The following DST variants were observed in gnomAD, a reference collection of about 807,000 sequenced individuals.
The protein encoded by DST is dystonin.
In DST, 253 loss-of-function variants were observed where a neutral mutation model predicts 875.2. That is an observed-to-expected ratio of 0.29 (90% confidence interval 0.26 to 0.32). DST has a LOEUF of 0.32. Among genes scored for constraint, DST ranks in the 10% least tolerant of loss-of-function variants. The pLI is 1.00. For synonymous variants in DST, 3,124 were observed against 3,197.1 expected (o/e 0.98, Z 0.77); for missense variants, 8,287 against 9,111.6 (o/e 0.91, Z 3.68).
At chr6:56,590,122 T>C (rs1262670612) in intron 49 of DST, among the ~76,000 whole-genome samples, 1 of 152,238 alleles carries the variant, frequency 6.6e-6, no homozygotes, top group African/African-American at 2.4e-5. Flanking sequence ...CATTTAATTT[T>C]TCAAATTACG....
intron 72 of DST, among the ~76,000 whole-genome samples, chr6:56,514,603 ACACACACACC>A (rs1220023099): frequency 1.5e-5 from 2 of 137,356 alleles, no homozygotes; most frequent in East Asian, 2.5e-4. Context: ...ACACACACAC[ACACACACACC>A]CCCTCATGCG....
At chr6:56,707,056 G>A (rs974126308) in intron 5 of DST, among the ~76,000 whole-genome samples, 28 of 152,088 alleles carry the variant, frequency 1.8e-4, no homozygotes, top group African/African-American at 6.8e-4. Context: ...AGAATCTAAC[G>A]CCATCACTGA....
intron 92 of DST, 73 bp downstream of exon 92, chr6:56,476,075 GA>G (rs2095176195): frequency 7.9e-7 from 1 of 1,258,608 alleles, no homozygotes; most frequent in East Asian, 2.5e-5. Context: ...GCAATGTTTT[GA>G]GAAGTACAGC....
chr6:56,844,221 C>G (rs1393811798), intron 4 of DST, among the ~76,000 whole-genome samples: 3 of 152,172 alleles, frequency 2.0e-5, no homozygotes, highest in Non-Finnish European at 2.9e-5. Flanking sequence ...GAGGCCTCTG[C>G]AGGTGGCCCC....
At chr6:56,864,841 GA>G (rs1773153431) in intron 3 of DST, among the ~76,000 whole-genome samples, 1 of 152,014 alleles carries the variant, frequency 6.6e-6, no homozygotes, top group South Asian at 2.1e-4. Flanking sequence ...TTGAGGACTT[GA>G]AAAAAATATC....
chr6:56,661,825 T>A (rs1315097363), intron 10 of DST, among the ~76,000 whole-genome samples: 1 of 152,174 alleles, frequency 6.6e-6, no homozygotes, highest in Non-Finnish European at 1.5e-5. Flanking sequence ...TGACCTCGGG[T>A]GATCCGCCCG....
At chr6:56,759,953 A>C (rs887325512) in intron 4 of DST, among the ~76,000 whole-genome samples, 20 of 152,240 alleles carry the variant, frequency 1.3e-4, no homozygotes, top group Admixed American at 4.6e-4. Flanking sequence ...TAGAGTATGC[A>C]CTGCATATGT....
intron 36 of DST, chr6:56,615,015 G>T (rs559059673): frequency 7.0e-6 from 7 of 998,634 alleles, no homozygotes; most frequent in South Asian, 4.4e-5. Context: ...TGCAAAGAAG[G>T]TCACTATATA....
At chr6:56,633,062 A>G in intron 27 of DST, 25 bp from the exon 28 acceptor site, 6 of 1,600,750 alleles carry the variant, frequency 3.7e-6, no homozygotes, top group Non-Finnish European at 5.1e-6. Flanking sequence ...AGACCCATGT[A>G]ATTCATTCTA....
intron 3 of DST, among the ~76,000 whole-genome samples, chr6:56,877,313 G>A (rs763656826): frequency 6.6e-6 from 1 of 152,190 alleles, no homozygotes; most frequent in Non-Finnish European, 1.5e-5. Context: ...AGCACTTTGT[G>A]GGGGCCGAGG....
At chr6:56,947,865 C>T (rs1402066721) in intron 2 of DST, among the ~76,000 whole-genome samples, 1 of 151,894 alleles carries the variant, frequency 6.6e-6, no homozygotes, top group Non-Finnish European at 1.5e-5. Context: ...CCCCACTTAT[C>T]CACCACAGAT....
Position 56,631,261 on chromosome 6 carries a change from G to C in DST, c.4092C>G (p.Val1364=). 1.2e-6 allele frequency: 2 copies of C among 1,613,870 alleles called. No homozygotes were observed. The highest frequency in any genetic ancestry group is 1.7e-6 in the Non-Finnish European group (2 of 1,179,844). The change falls in exon 30 of 104, where the codon GTC becomes GTG. Residue 1364 remains valine (V), a synonymous_variant. Coordinates refer to ENST00000680361, the MANE Select transcript of DST (RefSeq NM_001374736.1). The part of the protein sequence containing the change: ...VPTLRSELNV[V]LQNMNQVYSM... ...AATAGACTTGGTTCATGTTCTGAAGGACCACATTAAGCTCTGATCGTAGGG... is the reference window on the plus strand; with the variant it reads ...AATAGACTTGGTTCATGTTCTGAAGCACCACATTAAGCTCTGATCGTAGGG...
In DST at chr6:56,497,970, T is replaced by A. The variant is rs1490688513; in HGVS notation, c.19980A>T (p.Ala6660=). 2 of 1,613,580 alleles carry A rather than the reference T, an allele frequency of 1.2e-6. No individual in the cohort carries two copies. Among genetic ancestry groups the A allele is most frequent in the African/African-American group, 1.3e-5 (1 of 75,036 alleles). Residue 6660 remains alanine (A), a synonymous_variant, in exon 81 of 104, where the codon GCA becomes GCT. Transcript: ENST00000680361. ...KAGNDLIESS[A]GEEASNLQNK... is the part of the protein sequence containing the mutation. Reference sequence around the variant, plus strand: ...TCTGAAGGTTGCTTGCTTCTTCTCCTGCACTTGATTCAATTAGATCATTTC... The same window carrying A: ...TCTGAAGGTTGCTTGCTTCTTCTCCAGCACTTGATTCAATTAGATCATTTC...
intron 74 of DST, among the ~76,000 whole-genome samples, chr6:56,508,980 C>G (rs951188833): frequency 2.6e-5 from 4 of 152,152 alleles, no homozygotes; most frequent in African/African-American, 9.7e-5. Context: ...AAGGTTCTTC[C>G]TGACAAAAGT....
In DST at chr6:56,527,447, C is replaced by T. The variant is rs762882618; in HGVS notation, c.17922+46G>A. ...TTTTATTTTTGTGTGAATAAGACTG[C>T]CTAAAAGATAAAAGACTAATCCAAA... is the stretch of plus-strand genomic sequence containing the variant. On this transcript the variant is annotated intron_variant, in intron 68 of 103. Transcript: ENST00000680361. 5.7e-6 allele frequency: 9 copies of T among 1,590,398 alleles called. No homozygotes were observed. The South Asian group carries it at 1.0e-4, about 18-fold the overall frequency.
chr6:56,524,284 A>G (rs2096757519), intron 69 of DST, among the ~76,000 whole-genome samples: 1 of 152,114 alleles, frequency 6.6e-6, no homozygotes, highest in South Asian at 2.1e-4. Context: ...ACGTTTCCCT[A>G]CACGGTAATG....
chr6:56,473,507 C>A (rs1371804174), intron 93 of DST, among the ~76,000 whole-genome samples: 2 of 152,072 alleles, frequency 1.3e-5, no homozygotes, highest in Non-Finnish European at 2.9e-5. Flanking sequence ...TGAAGATTAT[C>A]CACGTCATGG....
chr6:56,465,184 C>T (rs1204505161), intron 99 of DST, among the ~76,000 whole-genome samples: 1 of 152,136 alleles, frequency 6.6e-6, no homozygotes, highest in Admixed American at 6.5e-5. Flanking sequence ...AGCCTGATGA[C>T]TGATATGTCT....
chr6:56,885,342 G>A (rs991232599), intron 3 of DST, among the ~76,000 whole-genome samples: 3 of 152,144 alleles, frequency 2.0e-5, no homozygotes, highest in Non-Finnish European at 4.4e-5. Flanking sequence ...ATTCAGAAGT[G>A]GAATAGTTGG....
Sources: allele counts gnomAD v4.1 joint callset (sites outside exome capture counted in the v4.1 genomes callset), GRCh38; gene constraint gnomAD v4.1.1; transcripts MANE v1.5; gene names NCBI Gene and HGNC (gene_info 2026-07-23, HGNC 2026-07-21).